EZR: variants seen among roughly 807,000 people sequenced by gnomAD.
The protein encoded by EZR is cytovillin 2.
EZR carries 40 observed loss-of-function variants against 74.8 expected under a neutral mutation model. The observed-to-expected ratio is 0.53, with a 90% CI of 0.42 to 0.70. The LOEUF (loss-of-function observed/expected upper bound fraction) is 0.70. Among genes scored for constraint, EZR ranks in the 30% least tolerant of loss-of-function variants. EZR has a pLI of 0.00. For synonymous variants in EZR, 341 were observed against 283.3 expected (o/e 1.20, Z -2.05); for missense variants, 678 against 755.8 (o/e 0.90, Z 1.21).
At chr6:158,781,047 A>AT in intron 7 of EZR, among the ~76,000 whole-genome samples, 1 of 152,156 alleles carries the variant, frequency 6.6e-6, no homozygotes, top group Non-Finnish European at 1.5e-5. Context: ...AATCTCTTAG[A>AT]GCTCAATTTC....
intron 6 of EZR, 27 bp downstream of exon 6, chr6:158,784,617 A>T: frequency 6.2e-7 from 1 of 1,603,336 alleles, no homozygotes; most frequent in Non-Finnish European, 8.5e-7. Flanking sequence ...AGATGGCAAG[A>T]TCCCAACAGC....
chr6:158,818,492 G>A (rs1329811861), intron 1 of EZR, among the ~76,000 whole-genome samples: 4 of 151,394 alleles, frequency 2.6e-5, no homozygotes, highest in African/African-American at 2.4e-5. Context: ...AGGGGCTGGT[G>A]GGGGGCGCAG....
chr6:158,793,159 C>G (rs1191574198), intron 2 of EZR, among the ~76,000 whole-genome samples: 1 of 130,592 alleles, frequency 7.7e-6, no homozygotes, highest in Non-Finnish European at 1.6e-5. Context: ...CATCTCTCTA[C>G]AAAAAATCAT....
At chr6:158,786,682 CAGAGT>C (rs1791591451) in intron 4 of EZR, among the ~76,000 whole-genome samples, 1 of 150,494 alleles carries the variant, frequency 6.6e-6, no homozygotes, top group Non-Finnish European at 1.5e-5. Flanking sequence ...GGATAATTTT[CAGAGT>C]TTGAAGAAAA....
chr6:158,770,697 G>A (rs2128565928), intron 10 of EZR, 67 bp downstream of exon 10: 1 of 1,590,566 alleles, frequency 6.3e-7, no homozygotes, highest in East Asian at 2.2e-5. Context: ...GGGTGGGTGG[G>A]TGTGGCCCCT....
At chr6:158,809,740 A>G (rs1015305708) in intron 2 of EZR, among the ~76,000 whole-genome samples, 3 of 152,242 alleles carry the variant, frequency 2.0e-5, no homozygotes, top group African/African-American at 7.2e-5. Flanking sequence ...AATTATTTTT[A>G]TGCTAGAAGC....
chr6:158,815,065 C>T (rs1008839544), intron 2 of EZR, among the ~76,000 whole-genome samples: 4 of 152,176 alleles, frequency 2.6e-5, no homozygotes, highest in Non-Finnish European at 5.9e-5. Context: ...GTGTTTGCCC[C>T]TTAATCCAGT....
chr6:158,801,241 A>G (rs1353819204), intron 2 of EZR, among the ~76,000 whole-genome samples: 1 of 152,140 alleles, frequency 6.6e-6, no homozygotes, highest in Non-Finnish European at 1.5e-5. Flanking sequence ...CAGTCTCCAG[A>G]GTATCTGGGA....
chr6:158,813,433 C>T (rs1440074195), intron 2 of EZR, among the ~76,000 whole-genome samples: 2 of 152,226 alleles, frequency 1.3e-5, no homozygotes, highest in African/African-American at 4.8e-5. Flanking sequence ...CTGTGAACAT[C>T]CAAATACATT....
At chr6:158,818,689 A>C (rs1777621716) in intron 1 of EZR, among the ~76,000 whole-genome samples, 1 of 145,352 alleles carries the variant, frequency 6.9e-6, no homozygotes. Flanking sequence ...GGGCCCAGGG[A>C]TACCCGGCGG....
In EZR at chr6:158,767,470, G is replaced by A; in HGVS notation, c.1387C>T (p.Leu463=). 6.2e-7 allele frequency: 1 copy of A among 1,610,442 alleles called. No homozygotes were observed. The highest frequency in any genetic ancestry group is 8.5e-7 in the Non-Finnish European group (1 of 1,177,600). ...QDDLVKTKEE[L]HLVMTAPPPP... is the part of the protein sequence containing the mutation. ...GGGGGTGCTGTCATCACCAGGTGCA[G>A]CTCCTCCTTGGTCTTCACCAGGTCA... Residue 463 remains leucine (L), a synonymous_variant, in exon 13 of 14, where the codon CTG becomes TTG. Coordinates refer to ENST00000367075, the MANE Select transcript of EZR (RefSeq NM_001111077.2).
chr6:158,775,034 CTTTTTTT>C lies in EZR; in HGVS notation c.795+1367_795+1373del, dbSNP rs397732491. Among the ~76,000 whole-genome samples, 53 of 121,540 alleles carry C rather than the reference CTTTTTTT, an allele frequency of 4.4e-4. 1 individual carries two copies. Among genetic ancestry groups the C allele is most frequent in the African/African-American group, 1.6e-3 (49 of 31,348 alleles). 79.7% of individuals were successfully genotyped at this position (121,540 alleles called of 152,430 possible). A position where few individuals can be genotyped will look rare whatever the true frequency, so the allele number is the denominator to read the frequency against. On this transcript the variant is annotated intron_variant, in intron 8 of 13. Transcript: ENST00000367075. The stretch of plus-strand genomic sequence containing the variant: ...CAAGAGTTTGCAAACAGCAGGAGCC[CTTTTTTT>C]TTTTTTTTTTTGAGACGGAGTCTAG...
At chr6:158,767,142 G>T in intron 13 of EZR, 64 bp from the exon 14 acceptor site, 1 of 1,597,550 alleles carries the variant, frequency 6.3e-7, no homozygotes, top group Non-Finnish European at 8.5e-7. Flanking sequence ...CGTCCCCTAG[G>T]AAAACAGGAA....
chr6:158,786,974 T>C, intron 4 of EZR, 134 bp downstream of exon 4: 1 of 669,160 alleles, frequency 1.5e-6, no homozygotes, highest in African/African-American at 1.8e-5. Context: ...CCTGCAACCT[T>C]TTTGTCTGTA....
At chr6:158,772,915 C>T (rs1791162150) in intron 8 of EZR, among the ~76,000 whole-genome samples, 2 of 152,316 alleles carry the variant, frequency 1.3e-5, no homozygotes, top group African/African-American at 4.8e-5. Flanking sequence ...TTCATCTGTT[C>T]CAGAAATCCT....
chr6:158,772,994 A>G (rs1164845085), intron 8 of EZR, among the ~76,000 whole-genome samples: 4 of 152,168 alleles, frequency 2.6e-5, no homozygotes, highest in Admixed American at 1.3e-4. Context: ...TTGGGGTTTC[A>G]CACCCTTGCT....
At chr6:158,788,974 C>T (rs1791658218) in intron 3 of EZR, among the ~76,000 whole-genome samples, 1 of 152,146 alleles carries the variant, frequency 6.6e-6, no homozygotes, top group South Asian at 2.1e-4. Context: ...GCCAGCACCT[C>T]CTTACAATGA....
chr6:158,781,825 G>A (rs778740068), intron 7 of EZR, among the ~76,000 whole-genome samples: 5 of 152,106 alleles, frequency 3.3e-5, no homozygotes, highest in African/African-American at 4.8e-5. Context: ...GTGCAGTGGC[G>A]CAATCTTGGC....
chr6:158,817,685 G>A (rs1180042818), intron 2 of EZR, among the ~76,000 whole-genome samples: 1 of 152,144 alleles, frequency 6.6e-6, no homozygotes, highest in East Asian at 1.9e-4. Flanking sequence ...CGGACCCTTA[G>A]GAGCTCTGAG....
Sources: allele counts gnomAD v4.1 joint callset (sites outside exome capture counted in the v4.1 genomes callset), GRCh38; gene constraint gnomAD v4.1.1; transcripts MANE v1.5; gene names NCBI Gene and HGNC (gene_info 2026-07-23, HGNC 2026-07-21).